PLD5: variants seen among roughly 807,000 people sequenced by gnomAD.
The protein encoded by PLD5 is inactive phospholipase D5.
A neutral mutation model predicts 61.1 loss-of-function variants in PLD5; 36 were observed. The observed-to-expected ratio is 0.59, with a 90% CI of 0.45 to 0.78. PLD5 has a LOEUF of 0.78. PLD5 is among the 30% of genes least tolerant of loss of function. The pLI, the probability that PLD5 is intolerant of heterozygous loss-of-function variation, is 0.00. For missense variants in PLD5, 515 were observed against 644.4 expected (o/e 0.80, Z 2.17); for synonymous variants, 243 against 242.8 (o/e 1.00, Z -0.01).
At chr1:242,500,206 T>C (rs1222335324) in intron 1 of PLD5, among the ~76,000 whole-genome samples, 2 of 152,230 alleles carry the variant, frequency 1.3e-5, no homozygotes, top group Admixed American at 6.5e-5. Context: ...TCTGTGGCCA[T>C]GTTTAAAAAC....
intron 5 of PLD5, among the ~76,000 whole-genome samples, chr1:242,139,642 C>A (rs561815796): frequency 6.6e-6 from 1 of 152,230 alleles, no homozygotes; most frequent in South Asian, 2.1e-4. Context: ...TTGCGCCTTG[C>A]AGTGGTGAGA....
intron 6 of PLD5, among the ~76,000 whole-genome samples, chr1:242,116,692 C>T (rs143009568): frequency 7.0e-4 from 106 of 152,232 alleles, no homozygotes; most frequent in African/African-American, 2.5e-3. Context: ...GCAGTGATTT[C>T]CTTAGAATAA....
chr1:242,525,535 C>G (rs910787034), upstream of PLD5, among the ~76,000 whole-genome samples: 1 of 152,236 alleles, frequency 6.6e-6, no homozygotes, highest in African/African-American at 2.4e-5. Context: ...AATCTTCAAT[C>G]TCTTCATCTT....
chr1:242,347,777 T>C (rs1415921522), intron 2 of PLD5, among the ~76,000 whole-genome samples: 2 of 152,184 alleles, frequency 1.3e-5, no homozygotes, highest in Non-Finnish European at 2.9e-5. Flanking sequence ...GCGTTCTTTG[T>C]CCATTGGGGC....
At chr1:242,106,886 A>G (rs1181742235) in intron 8 of PLD5, among the ~76,000 whole-genome samples, 30 of 152,182 alleles carry the variant, frequency 2.0e-4, no homozygotes, top group African/African-American at 2.4e-5. Flanking sequence ...AGAGTGTTGT[A>G]GGCAGAGGGA....
At chr1:242,497,113 C>A (rs557319763) in intron 1 of PLD5, among the ~76,000 whole-genome samples, 1 of 152,158 alleles carries the variant, frequency 6.6e-6, no homozygotes, top group South Asian at 2.1e-4. Context: ...AAGGGAGATA[C>A]GAAGTTCTAT....
chr1:242,234,239 G>A (rs1671493240), intron 4 of PLD5, among the ~76,000 whole-genome samples: 1 of 151,958 alleles, frequency 6.6e-6, no homozygotes, highest in Non-Finnish European at 1.5e-5. Context: ...GGGTTTCTTT[G>A]TAACCCTCTC....
chr1:242,373,066 T>G (rs550403710), intron 1 of PLD5, among the ~76,000 whole-genome samples: 34 of 152,176 alleles, frequency 2.2e-4, no homozygotes, highest in African/African-American at 4.3e-4. Context: ...CTAATATCCA[T>G]AATCTACAAA....
intron 1 of PLD5, among the ~76,000 whole-genome samples, chr1:242,510,065 T>C (rs866613602): frequency 6.6e-6 from 1 of 152,198 alleles, no homozygotes; most frequent in Admixed American, 6.5e-5. Flanking sequence ...TCATTGGAGA[T>C]GTTTTATTAG....
chr1:242,467,933 C>A (rs928379737), intron 1 of PLD5, among the ~76,000 whole-genome samples: 2 of 151,912 alleles, frequency 1.3e-5, no homozygotes, highest in Non-Finnish European at 2.9e-5. Flanking sequence ...CCCCCCAAAG[C>A]AATATCTCTA....
Position 242,425,944 on chromosome 1 carries a change from G to T in PLD5, c.190-77702C>A, listed in dbSNP as rs56154758. Among the ~76,000 whole-genome samples the T allele has an allele frequency of 5.6e-3, 847 of 152,180 alleles. 6 individuals are homozygous for T. The highest frequency in any genetic ancestry group is 8.0e-3 in the Non-Finnish European group (545 of 68,002). On this transcript the variant is annotated intron_variant, in intron 1 of 9. Transcript: ENST00000536534. ...AGGCATGAGCCACTGCACCCGGCCA[G>T]CTTACTGTAACTTTTTTAGTCTATA...
At chr1:242,134,894 T>C (rs1268560657) in intron 5 of PLD5, among the ~76,000 whole-genome samples, 1 of 152,190 alleles carries the variant, frequency 6.6e-6, no homozygotes, top group African/African-American at 2.4e-5. Context: ...AAGAAGACAG[T>C]GTTTCTCCTC....
At chr1:242,378,419 G>A (rs1026512641) in intron 1 of PLD5, among the ~76,000 whole-genome samples, 3 of 152,190 alleles carry the variant, frequency 2.0e-5, no homozygotes, top group African/African-American at 7.2e-5. Context: ...GATGAAAAGA[G>A]TTCTGTGGAT....
intron 3 of PLD5, among the ~76,000 whole-genome samples, chr1:242,270,934 A>G (rs1328063509): frequency 6.6e-6 from 1 of 152,146 alleles, no homozygotes; most frequent in Non-Finnish European, 1.5e-5. Context: ...AATTACAAGA[A>G]GGAAGATGCT....
Position 242,340,794 on chromosome 1 carries a change from A to G in PLD5, c.326+7312T>C, listed in dbSNP as rs1659785586. On this transcript the variant is annotated intron_variant, in intron 2 of 9. Coordinates refer to ENST00000536534, the MANE Select transcript of PLD5 (RefSeq NM_001372062.1). ...CAGGTAATCTGGCCCTATAGTCCAC[A>G]TGCTTATGTCTGGAATACGAAGAAA... is the stretch of plus-strand genomic sequence containing the variant. Among the ~76,000 whole-genome samples, 3 of 152,214 alleles carry G rather than the reference A, an allele frequency of 2.0e-5. No homozygotes were observed. The South Asian group carries it at 6.2e-4, about 31-fold the overall frequency.
At chr1:242,482,220 C>T (rs1000445371) in intron 1 of PLD5, among the ~76,000 whole-genome samples, 29 of 152,188 alleles carry the variant, frequency 1.9e-4, no homozygotes, top group African/African-American at 6.8e-4. Context: ...ATGACTTTGA[C>T]AAGTTGAGAG....
chr1:242,123,599 A>G (rs1404844355), intron 6 of PLD5, among the ~76,000 whole-genome samples: 2 of 152,204 alleles, frequency 1.3e-5, no homozygotes, highest in Non-Finnish European at 2.9e-5. Context: ...TGTGGGAGGA[A>G]ACAGCAGTAC....
At chr1:242,110,082 T>A (rs181057333) in intron 7 of PLD5, among the ~76,000 whole-genome samples, 2,113 of 140,988 alleles carry the variant, frequency 0.015, 56 homozygotes, top group African/African-American at 0.052. Context: ...TTATATATTA[T>A]TATTATTATA....
chr1:242,380,624 G>A (rs1382156749), intron 1 of PLD5, among the ~76,000 whole-genome samples: 1 of 151,642 alleles, frequency 6.6e-6, no homozygotes, highest in Admixed American at 6.6e-5. Flanking sequence ...CCTACAAAAT[G>A]GAAGAAAATT....
Sources: allele counts gnomAD v4.1 joint callset (sites outside exome capture counted in the v4.1 genomes callset), GRCh38; gene constraint gnomAD v4.1.1; transcripts MANE v1.5; gene names NCBI Gene and HGNC (gene_info 2026-07-23, HGNC 2026-07-21).